The following HSP90AA1 variants were observed in gnomAD, a reference collection of about 807,000 sequenced individuals.
HSP90AA1 encodes heat shock protein HSP 90-alpha.
In HSP90AA1, 18 loss-of-function variants were observed where a neutral mutation model predicts 73.3. The observed-to-expected ratio is 0.25, with a 90% CI of 0.17 to 0.36. The LOEUF is 0.36. Among genes scored for constraint, HSP90AA1 ranks in the 10% least tolerant of loss-of-function variants. The pLI, the probability that HSP90AA1 is intolerant of heterozygous loss-of-function variation, is 1.00. For synonymous variants in HSP90AA1, 477 were observed against 296.9 expected (o/e 1.61, Z -6.24); for missense variants, 704 against 874.2 (o/e 0.81, Z 2.45).
chr14:102,082,009 G>C, intron 10 of HSP90AA1, 102 bp downstream of exon 10: 1 of 862,228 alleles, frequency 1.2e-6, no homozygotes, highest in Non-Finnish European at 1.9e-6. Context: ...CAAGCAGCAA[G>C]CAGGACAAGG....
At chr14:102,134,877 T>C (rs1224638117) in intron 1 of HSP90AA1, among the ~76,000 whole-genome samples, 1 of 152,224 alleles carries the variant, frequency 6.6e-6, no homozygotes, top group African/African-American at 2.4e-5. Flanking sequence ...TTCTCTTATC[T>C]GGCCCCACCC....
In HSP90AA1 at chr14:102,084,576, CAG is replaced by C. The variant is rs758306860; in HGVS notation, c.982-14_982-13del. The C allele has an allele frequency of 6.2e-7, 1 of 1,614,140 alleles. No individual in the cohort carries two copies. The highest frequency in any genetic ancestry group is 1.1e-5 in the South Asian group (1 of 91,080). On this transcript the variant is annotated splice_polypyrimidine_tract_variant and intron_variant, in intron 5 of 10. Coordinates refer to ENST00000216281, the MANE Select transcript of HSP90AA1 (RefSeq NM_005348.4). ...TCAACTGAAAAATGCTGTAATAAAA[CAG>C]ATACACTAAGTACCAATGAACAATG...
intron 2 of HSP90AA1, among the ~76,000 whole-genome samples, chr14:102,092,057 ATTTTT>A (rs528715751): frequency 6.7e-6 from 1 of 149,254 alleles, no homozygotes; most frequent in African/African-American, 2.5e-5. Context: ...GGTTTTTCAG[ATTTTT>A]TTTGTTACTG....
At chr14:102,108,396 CTT>C (rs2152621162) in intron 1 of HSP90AA1, among the ~76,000 whole-genome samples, 1 of 150,710 alleles carries the variant, frequency 6.6e-6, no homozygotes, top group African/African-American at 2.4e-5. Context: ...GCTTTGAATT[CTT>C]TTTTTAAAAA....
At chr14:102,085,215 C>T (rs1453848507) in intron 4 of HSP90AA1, 83 bp downstream of exon 4, 2 of 1,490,676 alleles carry the variant, frequency 1.3e-6, no homozygotes, top group African/African-American at 1.4e-5. Context: ...ACTAGTTGAA[C>T]AGATCTAGGG....
chr14:102,133,552 C>G (rs1422895345), intron 1 of HSP90AA1, among the ~76,000 whole-genome samples: 1 of 146,466 alleles, frequency 6.8e-6, no homozygotes, highest in Admixed American at 7.0e-5. Context: ...GGCGTGATCT[C>G]GGCTCACTGC....
intron 3 of HSP90AA1, 161 bp downstream of exon 3, chr14:102,085,597 C>T: frequency 7.9e-7 from 1 of 1,260,900 alleles, no homozygotes; most frequent in South Asian, 1.3e-5. Flanking sequence ...AAAAGAACCG[C>T]CCACCAAGTC....
chr14:102,106,389 G>T (rs2049567650), intron 1 of HSP90AA1, among the ~76,000 whole-genome samples: 1 of 152,032 alleles, frequency 6.6e-6, no homozygotes, highest in Admixed American at 6.6e-5. Flanking sequence ...ATTTAATCAA[G>T]AACCTTTTGT....
At chr14:102,087,389 CGCGG>C (rs1333833465), upstream of HSP90AA1, among the ~76,000 whole-genome samples, 10 of 151,618 alleles carry the variant, frequency 6.6e-5, no homozygotes, top group Non-Finnish European at 1.5e-4. Context: ...CCCCACCTGC[CGCGG>C]GCGGGCGGAG....
At chr14:102,085,096 G>A in intron 4 of HSP90AA1, 98 bp from the exon 5 acceptor site, 2 of 1,590,746 alleles carry the variant, frequency 1.3e-6, no homozygotes, top group Non-Finnish European at 1.7e-6. Context: ...GTCTAAATTA[G>A]CCAACTTGAG....
intron 2 of HSP90AA1, among the ~76,000 whole-genome samples, chr14:102,101,534 T>C (rs2049493120): frequency 6.6e-6 from 1 of 152,224 alleles, no homozygotes; most frequent in Non-Finnish European, 1.5e-5. Flanking sequence ...GAGTGGGTGC[T>C]CAAGGCGCAG....
At chr14:102,088,316 C>G (rs1403116856), upstream of HSP90AA1, among the ~76,000 whole-genome samples, 1 of 152,158 alleles carries the variant, frequency 6.6e-6, no homozygotes, top group African/African-American at 2.4e-5. Flanking sequence ...TCTGGCGCCT[C>G]CCATGATTGG....
chr14:102,131,740 T>TTC (rs2049909060), intron 1 of HSP90AA1, among the ~76,000 whole-genome samples: 1 of 152,334 alleles, frequency 6.6e-6, no homozygotes, highest in East Asian at 1.9e-4. Context: ...ACCTGACATA[T>TTC]TCTCAATCTC....
At position 102,082,114 on chromosome 14, in the gene HSP90AA1, G is replaced by A; in HGVS notation, c.2086C>T (p.Leu696=). 1 of 1,605,318 alleles carries A rather than the reference G, an allele frequency of 6.2e-7. No homozygotes were observed. The highest frequency in any genetic ancestry group is 8.5e-7 in the Non-Finnish European group (1 of 1,172,132). The change falls in exon 10 of 11, where the codon CTG becomes TTG. Residue 696 remains leucine, a synonymous_variant. Coordinates refer to ENST00000216281, the MANE Select transcript of HSP90AA1 (RefSeq NM_005348.4). ...CATTACATAGTATAAGGCTTACCCA[G>A]ACCAAGTTTGATCATCCTGTAGATC... ...NRIYRMIKLG[L]GIDEDDPTAD... is the part of the protein sequence containing the mutation.
intron 1 of HSP90AA1, among the ~76,000 whole-genome samples, chr14:102,134,679 G>C (rs1053424512): frequency 1.3e-5 from 2 of 152,186 alleles, no homozygotes; most frequent in East Asian, 3.9e-4. Flanking sequence ...CGGTGGGCTC[G>C]TGGTCTTGCT....
chr14:102,090,601 C>T (rs761035884), upstream of HSP90AA1, among the ~76,000 whole-genome samples: 3 of 152,140 alleles, frequency 2.0e-5, no homozygotes, highest in Non-Finnish European at 4.4e-5. Context: ...AGGCGCCCGC[C>T]ACCACACCTG....
At chr14:102,090,214 TCTC>T (rs1276049349), upstream of HSP90AA1, among the ~76,000 whole-genome samples, 2 of 152,090 alleles carry the variant, frequency 1.3e-5, no homozygotes, top group Admixed American at 6.6e-5. Context: ...CCTCTGTTCT[TCTC>T]TAATTAATTT....
At chr14:102,123,493 C>T (rs2049803692) in intron 1 of HSP90AA1, among the ~76,000 whole-genome samples, 1 of 151,000 alleles carries the variant, frequency 6.6e-6, no homozygotes, top group African/African-American at 2.4e-5. Context: ...TTTGTTTCTT[C>T]AGAATTTAAG....
chr14:102,131,278 T>C (rs1329909123), intron 1 of HSP90AA1, among the ~76,000 whole-genome samples: 1 of 152,008 alleles, frequency 6.6e-6, no homozygotes, highest in Non-Finnish European at 1.5e-5. Context: ...CCTGACTCCT[T>C]CATTTCTCCC....
Sources: gnomAD v4.1 joint callset for allele counts (sites outside exome capture counted in the v4.1 genomes callset) on GRCh38, gnomAD v4.1.1 for gene constraint, MANE v1.5 for transcripts, NCBI Gene and HGNC (gene_info 2026-07-23, HGNC 2026-07-21) for gene names.